The following RBFOX1 variants were observed in gnomAD, a reference collection of about 807,000 sequenced individuals.
The protein encoded by RBFOX1 is RNA binding fox-1 homolog 1.
Under a neutral mutation model 57.7 loss-of-function variants are expected in RBFOX1, and 8 were observed. The ratio of observed to expected loss-of-function variants is 0.14; its 90% CI spans 0.08 to 0.25. The LOEUF is 0.25. RBFOX1 is among the 10% of genes least tolerant of loss of function. The pLI is 1.00. For missense variants in RBFOX1, 611 were observed against 548.5 expected, an observed-to-expected ratio of 1.11 and a Z score of -1.14; for synonymous variants, 326 against 222.4, an observed-to-expected ratio of 1.47 and a Z score of -4.15.
rs1040367296 is a variant in RBFOX1, at chr16:7,036,718, A to G, written c.-15-15339A>G. Reference sequence around the variant, plus strand: ...AAAAACAAACAAACAAACAAAAAAAACAAAAAACAAACAAAGAAAAAAAAA... The same window carrying G: ...AAAAACAAACAAACAAACAAAAAAAGCAAAAAACAAACAAAGAAAAAAAAA... On this transcript the variant is annotated intron_variant, in intron 3 of 15. Coordinates refer to ENST00000550418, the MANE Select transcript of RBFOX1 (RefSeq NM_018723.4). Among the ~76,000 whole-genome samples, 7 of 122,706 alleles carry G rather than the reference A, an allele frequency of 5.7e-5. 1 individual carries two copies. The South Asian group carries it at 1.7e-3, about 29-fold the overall frequency. 80.5% of individuals were successfully genotyped at this position (122,706 alleles called of 152,430 possible).
chr16:7,332,714 G>C (rs2096714518), intron 4 of RBFOX1: 1 of 1,128,050 alleles, frequency 8.9e-7, no homozygotes, highest in South Asian at 2.0e-5. Flanking sequence ...AAGAGTATTT[G>C]GTTAGTCATG....
intron 4 of RBFOX1, among the ~76,000 whole-genome samples, chr16:5,960,060 GC>G (rs1264247918): frequency 6.6e-6 from 1 of 152,094 alleles, no homozygotes; most frequent in African/African-American, 2.4e-5. Flanking sequence ...AATTAGCCGG[GC>G]ATGGTGACAT....
intron 3 of RBFOX1, among the ~76,000 whole-genome samples, chr16:6,930,863 A>G (rs2076389495): frequency 6.6e-6 from 1 of 152,068 alleles, no homozygotes; most frequent in African/African-American, 2.4e-5. Flanking sequence ...CTTAACTGTA[A>G]TAGCATGTTC....
intron 2 of RBFOX1, among the ~76,000 whole-genome samples, chr16:6,444,041 G>C (rs575145805): frequency 1.1e-4 from 16 of 152,102 alleles, no homozygotes; most frequent in Non-Finnish European, 2.1e-4. Context: ...ATAATGTAGT[G>C]GCCCTAAGCA....
chr16:7,688,250 TGTGTGTGTGTGAGA>T lies in RBFOX1; in HGVS notation c.995+11414_995+11427del, dbSNP rs1329764981. Among the ~76,000 whole-genome samples, 172 of 104,016 alleles carry T rather than the reference TGTGTGTGTGTGAGA, an allele frequency of 1.7e-3. 1 individual carries two copies. The highest frequency in any genetic ancestry group is 4.7e-3 in the Middle Eastern group (1 of 212). 68.2% of individuals were successfully genotyped at this position (104,016 alleles called of 152,430 possible). ...GTGTGTGTGTGTGTGTGTGTGTGTG[TGTGTGTGTGTGAGA>T]GAGAGAGAGAGAGAGAGAGATTCAA... is the stretch of plus-strand genomic sequence containing the variant. On this transcript the variant is annotated intron_variant, in intron 14 of 15. Transcript: ENST00000550418.
chr16:7,503,080 C>G (rs2071540333), intron 4 of RBFOX1, among the ~76,000 whole-genome samples: 1 of 152,122 alleles, frequency 6.6e-6, no homozygotes, highest in Non-Finnish European at 1.5e-5. Flanking sequence ...GGCGTCCACT[C>G]CTTGCACTAC....
intron 2 of RBFOX1, among the ~76,000 whole-genome samples, chr16:5,490,790 TC>T (rs1243970239): frequency 6.6e-6 from 1 of 152,188 alleles, no homozygotes; most frequent in African/African-American, 2.4e-5. Flanking sequence ...TAGAAGTGCA[TC>T]CGCCTCTGCA....
chr16:5,366,325 A>G (rs2065714552), intron 1 of RBFOX1: 3 of 362,734 alleles, frequency 8.3e-6, no homozygotes, highest in Non-Finnish European at 1.6e-5. Context: ...GATGATGATG[A>G]TGATTTTGAT....
chr16:6,707,582 A>G (rs1266699146), intron 3 of RBFOX1, among the ~76,000 whole-genome samples: 1 of 151,032 alleles, frequency 6.6e-6, no homozygotes, highest in Admixed American at 6.6e-5. Context: ...CCCAAGAAGG[A>G]TTGACAGTCA....
intron 3 of RBFOX1, among the ~76,000 whole-genome samples, chr16:6,820,978 TA>T (rs1469691147): frequency 6.6e-6 from 1 of 152,242 alleles, no homozygotes; most frequent in African/African-American, 2.4e-5. Flanking sequence ...TATTATGTGT[TA>T]TATACAGTTA....
chr16:5,882,588 C>G (rs1415946379), intron 4 of RBFOX1, among the ~76,000 whole-genome samples: 1 of 152,156 alleles, frequency 6.6e-6, no homozygotes, highest in Admixed American at 6.5e-5. Context: ...TGTGGTGAAA[C>G]TCCATCCACA....
At chr16:7,365,679 A>C (rs1259397414) in intron 4 of RBFOX1, among the ~76,000 whole-genome samples, 1 of 152,216 alleles carries the variant, frequency 6.6e-6, no homozygotes, top group East Asian at 1.9e-4. Context: ...CAGTAAAGGT[A>C]CTTTACTTCC....
chr16:6,180,051 TG>T (rs2097050273), intron 1 of RBFOX1, among the ~76,000 whole-genome samples: 1 of 152,200 alleles, frequency 6.6e-6, no homozygotes, highest in Non-Finnish European at 1.5e-5. Context: ...AGTATCTTCT[TG>T]AAGATGTTTG....
At chr16:6,605,132 G>C (rs190941791) in intron 2 of RBFOX1, among the ~76,000 whole-genome samples, 1 of 152,048 alleles carries the variant, frequency 6.6e-6, no homozygotes, top group Non-Finnish European at 1.5e-5. Context: ...TCAGCTACTC[G>C]GGAAGCTAAG....
At chr16:7,563,569 G>C (rs1031646611) in intron 5 of RBFOX1, among the ~76,000 whole-genome samples, 1 of 152,134 alleles carries the variant, frequency 6.6e-6, no homozygotes, top group African/African-American at 2.4e-5. Flanking sequence ...CCGGGTTCAG[G>C]CAATTCTCCT....
At chr16:5,654,274 G>A (rs1295483109) in intron 3 of RBFOX1, among the ~76,000 whole-genome samples, 1 of 152,120 alleles carries the variant, frequency 6.6e-6, no homozygotes, top group Non-Finnish European at 1.5e-5. Context: ...ATATGCTGGA[G>A]CCAATCCATA....
intron 2 of RBFOX1, among the ~76,000 whole-genome samples, chr16:6,593,635 C>T (rs556834728): frequency 6.6e-6 from 1 of 152,050 alleles, no homozygotes; most frequent in East Asian, 1.9e-4. Flanking sequence ...ATGTGAGTGC[C>T]CTGTTCATTT....
chr16:6,360,520 G>C (rs1472315547), intron 2 of RBFOX1, among the ~76,000 whole-genome samples: 2 of 152,138 alleles, frequency 1.3e-5, no homozygotes, highest in African/African-American at 4.8e-5. Flanking sequence ...CATTTACACA[G>C]TCTTGAAAGT....
chr16:6,777,271 G>C (rs371398635), intron 3 of RBFOX1, among the ~76,000 whole-genome samples: 1 of 152,106 alleles, frequency 6.6e-6, no homozygotes, highest in Non-Finnish European at 1.5e-5. Flanking sequence ...TGCTTTTTTA[G>C]TTTTGTAATG....
Sources: gnomAD v4.1 joint callset for allele counts (sites outside exome capture counted in the v4.1 genomes callset) on GRCh38, gnomAD v4.1.1 for gene constraint, MANE v1.5 for transcripts, NCBI Gene and HGNC (gene_info 2026-07-23, HGNC 2026-07-21) for gene names.